MINDY2: variants seen among roughly 807,000 people sequenced by gnomAD.
MINDY2 encodes the protein ubiquitin carboxyl-terminal hydrolase MINDY-2.
A neutral mutation model predicts 68.2 loss-of-function variants in MINDY2; 52 were observed. The observed-to-expected ratio is 0.76, with a 90% CI of 0.61 to 0.96. MINDY2 has a LOEUF of 0.96. Ranked by LOEUF, MINDY2 falls within the 40% of genes least tolerant of loss-of-function variation. MINDY2 has a pLI of 0.00. For missense variants in MINDY2, 881 were observed against 773.4 expected, an observed-to-expected ratio of 1.14 and a Z score of -1.65; for synonymous variants, 372 against 303.0, an observed-to-expected ratio of 1.23 and a Z score of -2.36.
In MINDY2 at chr15:58,852,970, TA is replaced by T. The variant is rs2032907300; in HGVS notation, c.1737+1007del. Among the ~76,000 whole-genome samples the T allele has an allele frequency of 1.4e-4, 3 of 21,524 alleles. 1 individual carries two copies. The highest frequency in any genetic ancestry group is 2.9e-3 in the South Asian group (2 of 688). The allele number at this position is 21,524 out of a possible 152,430, so 14.1% of individuals were successfully genotyped here. A position where few individuals can be genotyped will look rare whatever the true frequency, so the allele number is the denominator to read the frequency against. ...TTTTTTTTTTTTTTTTTTTTTTTTT[TA>T]AGACAGAGTCTCACTCTGTTGCCCA... On this transcript the variant is annotated intron_variant, in intron 8 of 8. Coordinates refer to ENST00000559228, the MANE Select transcript of MINDY2 (RefSeq NM_001040450.3).
chr15:58,781,226 AT>A (rs1901121481), intron 1 of MINDY2, among the ~76,000 whole-genome samples: 1 of 151,994 alleles, frequency 6.6e-6, no homozygotes, highest in Non-Finnish European at 1.5e-5. Flanking sequence ...ATTGTTTTGT[AT>A]TTTTAGTAGA....
rs151270452 is a variant in MINDY2, at chr15:58,848,619, G to A, written c.1542+1149G>A. ...CAATTATCCGGGCATGGTGGCGGGC[G>A]CCTGTAGTCGCAGCTACTCAGGAGG... On this transcript the variant is annotated intron_variant, in intron 7 of 8. Coordinates refer to ENST00000559228, the MANE Select transcript of MINDY2 (RefSeq NM_001040450.3). Among the ~76,000 whole-genome samples the A allele has an allele frequency of 2.0e-3, 310 of 152,022 alleles. 1 individual carries two copies. Among genetic ancestry groups the A allele is most frequent in the African/African-American group, 6.8e-3 (280 of 41,468 alleles).
chr15:58,833,832 G>T (rs920650967), intron 6 of MINDY2, among the ~76,000 whole-genome samples: 1 of 151,958 alleles, frequency 6.6e-6, no homozygotes, highest in Non-Finnish European at 1.5e-5. Flanking sequence ...CAACTGCAAA[G>T]AGGCGTTCCT....
In MINDY2 at chr15:58,771,360, C is replaced by A; in HGVS notation, c.-36C>A. The stretch of plus-strand genomic sequence containing the variant: ...AAGGCGCTGGCTGCGGAGAAGTGGC[C>A]GCGGTCTCCATAGAGCTGGGGGCGG... On this transcript the variant is annotated 5_prime_UTR_variant, in exon 1 of 9. Transcript: ENST00000559228. The A allele has an allele frequency of 6.3e-7, 1 of 1,575,552 alleles. No individual in the cohort carries two copies. The highest frequency in any genetic ancestry group is 8.6e-7 in the Non-Finnish European group (1 of 1,163,326).
intron 1 of MINDY2, among the ~76,000 whole-genome samples, chr15:58,772,953 G>A (rs1326423745): frequency 6.6e-6 from 1 of 152,154 alleles, no homozygotes; most frequent in Non-Finnish European, 1.5e-5. Context: ...TATGTCTAAG[G>A]TGAAGGAGCA....
intron 6 of MINDY2, among the ~76,000 whole-genome samples, chr15:58,836,358 C>T (rs937984605): frequency 6.6e-6 from 1 of 151,924 alleles, no homozygotes; most frequent in Admixed American, 6.6e-5. Flanking sequence ...CACTTGTCCC[C>T]AGAATAGTTC....
chr15:58,826,332 C>A lies in MINDY2; in HGVS notation c.1225+4513C>A, dbSNP rs1034161277. Among the ~76,000 whole-genome samples the A allele has an allele frequency of 2.7e-5, 4 of 149,430 alleles. No individual in the cohort carries two copies. In the East Asian group the frequency reaches 8.0e-4, roughly 30 times the overall value. ...ACAACCTCTGCCTCCCAGGCTCAAG[C>A]GATTCTCCTTCCTCGGCCTCCCAAG... On this transcript the variant is annotated intron_variant, in intron 5 of 8. Transcript: ENST00000559228.
At chr15:58,849,851 C>T (rs2032725659) in intron 7 of MINDY2, among the ~76,000 whole-genome samples, 1 of 152,166 alleles carries the variant, frequency 6.6e-6, no homozygotes, top group South Asian at 2.1e-4. Flanking sequence ...AAGCAAACAC[C>T]TCAGCCTCCT....
At chr15:58,836,845 C>G (rs541278462) in intron 6 of MINDY2, among the ~76,000 whole-genome samples, 1 of 152,140 alleles carries the variant, frequency 6.6e-6, no homozygotes, top group South Asian at 2.1e-4. Context: ...GTCTTGAGCT[C>G]CTGGGCTCAA....
chr15:58,779,893 C>A (rs768592897), intron 1 of MINDY2, among the ~76,000 whole-genome samples: 1 of 152,148 alleles, frequency 6.6e-6, no homozygotes. Flanking sequence ...CCTTCTCACT[C>A]CCCATTCAAC....
In MINDY2 at chr15:58,826,519, G is replaced by C. The variant is rs1244336797; in HGVS notation, c.1225+4700G>C. Among the ~76,000 whole-genome samples the C allele has an allele frequency of 2.0e-5, 3 of 151,962 alleles. No individual in the cohort carries two copies. In the East Asian group the frequency reaches 5.8e-4, roughly 29 times the overall value. ...GCTGGTATTACAGACATGAGCCACT[G>C]CACCTGGCCCCACACACTCTTTTTC... On this transcript the variant is annotated intron_variant, in intron 5 of 8. Transcript: ENST00000559228.
intron 6 of MINDY2, among the ~76,000 whole-genome samples, chr15:58,845,802 C>G (rs1263569803): frequency 6.6e-6 from 1 of 152,124 alleles, no homozygotes; most frequent in Non-Finnish European, 1.5e-5. Context: ...AAGCTGTGTC[C>G]ATTGACAGAC....
At chr15:58,801,165 G>T (rs1902624510) in intron 2 of MINDY2, among the ~76,000 whole-genome samples, 1 of 151,922 alleles carries the variant, frequency 6.6e-6, no homozygotes, top group African/African-American at 2.4e-5. Context: ...CTAGAAACAG[G>T]ATTTCACCAT....
intron 4 of MINDY2, among the ~76,000 whole-genome samples, chr15:58,811,446 AAAGTT>A (rs1468738260): frequency 4.5e-4 from 68 of 152,370 alleles, no homozygotes; most frequent in African/African-American, 1.5e-3. Flanking sequence ...AGGTGTGGGC[AAAGTT>A]AAGGGGAACA....
chr15:58,799,057 C>T (rs1317099383), intron 2 of MINDY2, among the ~76,000 whole-genome samples: 2 of 152,092 alleles, frequency 1.3e-5, no homozygotes, highest in Non-Finnish European at 2.9e-5. Context: ...GAGGACTTAG[C>T]TACTAGGGAC....
In MINDY2 at chr15:58,857,952, A is replaced by G. The variant is rs1419316122; in HGVS notation, c.*3342A>G. Reference sequence around the variant, plus strand: ...CATGTCTAATCCCATTGCATCCACAATGCTGTGATTTATAGTACATGATCA... The same window carrying G: ...CATGTCTAATCCCATTGCATCCACAGTGCTGTGATTTATAGTACATGATCA... On this transcript the variant is annotated 3_prime_UTR_variant, in exon 9 of 9. Transcript: ENST00000559228. The G allele has an allele frequency of 6.6e-6, 1 of 152,184 alleles. No homozygotes were observed. The highest frequency in any genetic ancestry group is 1.5e-5 in the Non-Finnish European group (1 of 68,028). 9.4% of individuals were successfully genotyped at this position (152,184 alleles called of 1,614,324 possible).
rs2033107432 is a variant in MINDY2, at chr15:58,857,738, A to C, written c.*3128A>C. 1 of 152,130 alleles carries C rather than the reference A, an allele frequency of 6.6e-6. No individual in the cohort carries two copies. Among genetic ancestry groups the C allele is most frequent in the South Asian group, 2.1e-4 (1 of 4,834 alleles). The allele number at this position is 152,130 out of a possible 1,614,324, so 9.4% of individuals were successfully genotyped here. A position where few individuals can be genotyped will look rare whatever the true frequency, so the allele number is the denominator to read the frequency against. On this transcript the variant is annotated 3_prime_UTR_variant, in exon 9 of 9. Coordinates refer to ENST00000559228, the MANE Select transcript of MINDY2 (RefSeq NM_001040450.3). ...TACTGCTAACAAAAGTTAGAACTTA[A>C]ACATTTTTGTTTTTATCATTTATAG...
At chr15:58,797,552 C>A (rs1189782777) in intron 2 of MINDY2, among the ~76,000 whole-genome samples, 1 of 152,054 alleles carries the variant, frequency 6.6e-6, no homozygotes, top group Non-Finnish European at 1.5e-5. Context: ...TTATTTTGAC[C>A]TTTATTAATG....
At position 58,823,128 on chromosome 15, in the gene MINDY2, CT is replaced by C. The variant is rs765836105; in HGVS notation, c.1225+1319del. 4.2e-3 allele frequency among the ~76,000 whole-genome samples: 599 copies of C among 142,622 alleles called. 4 individuals carry two copies. Among genetic ancestry groups the C allele is most frequent in the African/African-American group, 0.014 (530 of 38,848 alleles). 93.6% of individuals were successfully genotyped at this position (142,622 alleles called of 152,430 possible). Reference sequence around the variant, plus strand: ...TATTTTAGTTAAGGTTTATCCTAATCTTTTTTTTTTCTTTTTTTTTTTTTTT... The same window carrying C: ...TATTTTAGTTAAGGTTTATCCTAATCTTTTTTTTTCTTTTTTTTTTTTTTT... On this transcript the variant is annotated intron_variant, in intron 5 of 8. Coordinates refer to ENST00000559228, the MANE Select transcript of MINDY2 (RefSeq NM_001040450.3).
Sources: allele counts gnomAD v4.1 joint callset (sites outside exome capture counted in the v4.1 genomes callset), GRCh38; gene constraint gnomAD v4.1.1; transcripts MANE v1.5; gene names NCBI Gene and HGNC (gene_info 2026-07-23, HGNC 2026-07-21).